Variants in MYO10 observed in about 807,000 individuals in gnomAD.
MYO10 encodes the protein myosin X.
In MYO10, 133 loss-of-function variants were observed where a neutral mutation model predicts 257.3. The observed-to-expected ratio is 0.52, with a 90% CI of 0.45 to 0.60. The LOEUF is 0.60. Among genes scored for constraint, MYO10 ranks in the 20% least tolerant of loss-of-function variants. The probability of loss-of-function intolerance (pLI) is 0.00; values close to 1 mark genes in which losing one functional copy is unlikely to be tolerated. For synonymous variants in MYO10, 1,104 were observed against 1,028.6 expected (o/e 1.07, Z -1.40); for missense variants, 2,399 against 2,635.7 (o/e 0.91, Z 1.97).
In MYO10 at chr5:16,877,673, T is replaced by C. The variant is rs766611485; in HGVS notation, c.56A>G (p.His19Arg). ...TRVWLRENGQ[H>R]FPSTVNSCAE... Reference sequence around the variant, plus strand: ...ACAGGAATTTACAGTACTTGGAAAATGCTGGCCATTTTCTCTCAGCCAGAC... The same window carrying C: ...ACAGGAATTTACAGTACTTGGAAAACGCTGGCCATTTTCTCTCAGCCAGAC... Residue 19 changes from histidine (H) to arginine (R), a missense_variant, in exon 2 of 41, where the codon CAT (histidine) becomes CGT (arginine). Physicochemically the swap from His to Arg is conservative, Grantham distance 29. Coordinates refer to ENST00000513610, the MANE Select transcript of MYO10 (RefSeq NM_012334.3). 2 of 1,613,750 alleles carry C rather than the reference T, an allele frequency of 1.2e-6. No homozygotes were observed. Among genetic ancestry groups the C allele is most frequent in the Non-Finnish European group, 1.7e-6 (2 of 1,179,836 alleles).
intron 19 of MYO10, among the ~76,000 whole-genome samples, chr5:16,737,710 G>C (rs1244990425): frequency 6.6e-6 from 1 of 152,160 alleles, no homozygotes; most frequent in Non-Finnish European, 1.5e-5. Flanking sequence ...TGCCCCCTGG[G>C]GGGCACCCGG....
intron 17 of MYO10, 34 bp from the exon 18 acceptor site, chr5:16,758,260 A>G: frequency 7.2e-7 from 1 of 1,396,724 alleles, no homozygotes; most frequent in Non-Finnish European, 1.0e-6. Context: ...TCAGTGAGGC[A>G]CACACACCCA....
At chr5:16,829,205 A>G (rs1402397854) in intron 2 of MYO10, among the ~76,000 whole-genome samples, 1 of 152,196 alleles carries the variant, frequency 6.6e-6, no homozygotes, top group Non-Finnish European at 1.5e-5. Context: ...GCGTGGCTGC[A>G]GCAGGGGCTG....
intron 2 of MYO10, among the ~76,000 whole-genome samples, chr5:16,828,130 C>G (rs1355696304): frequency 6.6e-6 from 1 of 152,092 alleles, no homozygotes; most frequent in African/African-American, 2.4e-5. Flanking sequence ...AGTATCTCCG[C>G]GGCAGAGATG....
At chr5:16,802,249 T>C (rs1742139843) in intron 3 of MYO10, among the ~76,000 whole-genome samples, 1 of 152,114 alleles carries the variant, frequency 6.6e-6, no homozygotes, top group Non-Finnish European at 1.5e-5. Context: ...GTTCTGGAGA[T>C]TGCTGCAGGG....
chr5:16,735,683 G>A (rs1344039631), intron 19 of MYO10, among the ~76,000 whole-genome samples: 3 of 139,734 alleles, frequency 2.1e-5, no homozygotes, highest in African/African-American at 5.2e-5. Context: ...ACAGAGCCTC[G>A]GGAAAAAAAA....
chr5:16,676,141 T>G lies in MYO10; in HGVS notation c.4556A>C (p.Asn1519Thr). Residue 1519 changes from asparagine to threonine, a missense_variant, in exon 34 of 41, where the codon AAC (asparagine) becomes ACC (threonine). Transcript: ENST00000513610. ...GTAAATCTGTTCCACCACATCCGAGTTCAGGCAGTTCTCCTAAAAATAAAG... is the reference window on the plus strand; with the variant it reads ...GTAAATCTGTTCCACCACATCCGAGGTCAGGCAGTTCTCCTAAAAATAAAG... ...LIQDIKENCL[N>T]SDVVEQIYKR... 1 of 1,612,370 alleles carries G rather than the reference T, an allele frequency of 6.2e-7. No homozygotes were observed. Among genetic ancestry groups the G allele is most frequent in the Non-Finnish European group, 8.5e-7 (1 of 1,179,414 alleles).
At chr5:16,924,548 G>C (rs1480403725) in intron 1 of MYO10, among the ~76,000 whole-genome samples, 2 of 152,076 alleles carry the variant, frequency 1.3e-5, no homozygotes, top group Non-Finnish European at 2.9e-5. Context: ...TTACTCCTCA[G>C]GAAATAATCA....
rs1032023546 is a variant in MYO10 at position 16,742,431 on chromosome 5, C to A, written c.1929+12397G>T. Among the ~76,000 whole-genome samples, 3 of 152,272 alleles carry A rather than the reference C, an allele frequency of 2.0e-5. No homozygotes were observed. In the South Asian group the frequency reaches 6.2e-4, roughly 32 times the overall value. ...GGTAAAAAGGCAGCTTTTTACAGGTCTTCTATATGAAATGTTTTCAAAAGT... is the reference window on the plus strand; with the variant it reads ...GGTAAAAAGGCAGCTTTTTACAGGTATTCTATATGAAATGTTTTCAAAAGT... On this transcript the variant is annotated intron_variant, in intron 19 of 40. Transcript: ENST00000513610.
rs1744330804 is a variant in MYO10 at position 16,868,026 on chromosome 5, A to AT, written c.120+9582dup. On this transcript the variant is annotated intron_variant, in intron 2 of 40. Coordinates refer to ENST00000513610, the MANE Select transcript of MYO10 (RefSeq NM_012334.3). ...GATGAAATGGGCTGCAGTAAACTGA[A>AT]TAACTACCCCTTAAAATACAATTAG... 3.9e-5 allele frequency among the ~76,000 whole-genome samples: 6 copies of AT among 152,338 alleles called. No individual in the cohort carries two copies. In the South Asian group the frequency reaches 1.2e-3, roughly 32 times the overall value.
intron 39 of MYO10, among the ~76,000 whole-genome samples, chr5:16,668,783 G>A (rs1736297980): frequency 6.6e-6 from 1 of 152,156 alleles, no homozygotes; most frequent in Non-Finnish European, 1.5e-5. Context: ...GCCTGGAAAC[G>A]TACATGCTTG....
At chr5:16,676,999 C>G (rs1736756356) in intron 33 of MYO10, among the ~76,000 whole-genome samples, 1 of 152,162 alleles carries the variant, frequency 6.6e-6, no homozygotes, top group Admixed American at 6.5e-5. Context: ...TACCTGAAAA[C>G]TACACACATT....
chr5:16,932,794 GTCTA>G (rs3993791), intron 1 of MYO10, among the ~76,000 whole-genome samples: 59,750 of 151,684 alleles, frequency 0.39, 11,991 homozygotes, highest in Middle Eastern at 0.5. Context: ...GGCAGTAAGA[GTCTA>G]TCTATTTTGT....
At chr5:16,830,679 G>GCACACACACACACGCTCACACACA (rs1554000806) in intron 2 of MYO10, among the ~76,000 whole-genome samples, 2 of 149,024 alleles carry the variant, frequency 1.3e-5, no homozygotes, top group African/African-American at 2.5e-5. Flanking sequence ...TTTTTAATAG[G>GCACACACACACACGCTCACACACA]CACACACACA....
intron 2 of MYO10, among the ~76,000 whole-genome samples, chr5:16,855,649 T>C (rs1013211975): frequency 6.6e-6 from 1 of 152,218 alleles, no homozygotes; most frequent in African/African-American, 2.4e-5. Flanking sequence ...GCCTGATCTC[T>C]TTTGAGTCCT....
intron 1 of MYO10, among the ~76,000 whole-genome samples, chr5:16,929,781 A>C (rs1746246021): frequency 6.6e-6 from 1 of 152,180 alleles, no homozygotes; most frequent in Non-Finnish European, 1.5e-5. Flanking sequence ...TTCAGTACAG[A>C]TGCAATTTTT....
intron 21 of MYO10, among the ~76,000 whole-genome samples, chr5:16,705,010 C>A (rs981512815): frequency 1.3e-5 from 2 of 152,172 alleles, no homozygotes; most frequent in African/African-American, 4.8e-5. Flanking sequence ...CTTAACACAT[C>A]ATGGGCTGGG....
chr5:16,705,876 T>A (rs1738305283), intron 21 of MYO10, among the ~76,000 whole-genome samples: 1 of 152,116 alleles, frequency 6.6e-6, no homozygotes, highest in African/African-American at 2.4e-5. Flanking sequence ...ATTATTGTAT[T>A]ATATATACAA....
At chr5:16,919,399 A>G (rs1745918319) in intron 1 of MYO10, among the ~76,000 whole-genome samples, 1 of 152,030 alleles carries the variant, frequency 6.6e-6, no homozygotes, top group Non-Finnish European at 1.5e-5. Flanking sequence ...AAACAAATAA[A>G]CAAAAATCTA....
Sources: allele counts gnomAD v4.1 joint callset (sites outside exome capture counted in the v4.1 genomes callset), GRCh38; gene constraint gnomAD v4.1.1; transcripts MANE v1.5; gene names NCBI Gene and HGNC (gene_info 2026-07-23, HGNC 2026-07-21).